The following MIB1 variants were observed in gnomAD, a reference collection of about 807,000 sequenced individuals.
The protein encoded by MIB1 is MIB E3 ubiquitin protein ligase 1.
Under a neutral mutation model 124.5 loss-of-function variants are expected in MIB1, and 278 were observed. The ratio of observed to expected loss-of-function variants is 2.23; its 90% CI spans 2.02 to 2.47. MIB1 has a LOEUF of 2.47. Ranked by LOEUF, MIB1 falls within the 30% of genes most tolerant of loss-of-function variation. MIB1 has a pLI of 0.00. For synonymous variants in MIB1, 446 were observed against 429.4 expected (o/e 1.04, Z -0.48); for missense variants, 957 against 1,254.4 (o/e 0.76, Z 3.58).
intron 18 of MIB1, chr18:21,854,725 C>A: frequency 5.6e-6 from 1 of 179,292 alleles, no homozygotes; most frequent in South Asian, 1.4e-4. Context: ...CATGCTTGGT[C>A]CTGTCGTGGA....
intron 3 of MIB1, among the ~76,000 whole-genome samples, chr18:21,772,602 C>A (rs2074908624): frequency 6.6e-6 from 1 of 152,138 alleles, no homozygotes; most frequent in Non-Finnish European, 1.5e-5. Flanking sequence ...TAAAACATTT[C>A]TTGTCCTAAG....
At chr18:21,849,598 G>A (rs2146511693) in intron 17 of MIB1, among the ~76,000 whole-genome samples, 1 of 152,046 alleles carries the variant, frequency 6.6e-6, no homozygotes, top group South Asian at 2.1e-4. Flanking sequence ...GTACTGATTT[G>A]CTAAGTTAAT....
In MIB1 at chr18:21,730,794, A is replaced by G. The variant is rs2040765870; in HGVS notation, n.167+25671A>G. ...CTAAATTGCTTTTTGTGAAATCCGAATTTGATCATGTCACTCCCTCCTTCA... is the reference window on the plus strand; with the variant it reads ...CTAAATTGCTTTTTGTGAAATCCGAGTTTGATCATGTCACTCCCTCCTTCA... On this transcript the variant is annotated intron_variant and non_coding_transcript_variant, in intron 1 of 20. Coordinates refer to the MIB1 transcript ENST00000578646. Among the ~76,000 whole-genome samples, 3 of 152,314 alleles carry G rather than the reference A, an allele frequency of 2.0e-5. No homozygotes were observed. The South Asian group carries it at 6.2e-4, about 32-fold the overall frequency.
chr18:21,715,162 G>T (rs1390501567), intron 1 of MIB1, among the ~76,000 whole-genome samples: 1 of 152,194 alleles, frequency 6.6e-6, no homozygotes, highest in Non-Finnish European at 1.5e-5. Flanking sequence ...ACAGCTGAGA[G>T]ACCCACAGAT....
In MIB1 at chr18:21,741,721, G is replaced by A. The variant is rs376396687; in HGVS notation, c.138G>A (p.Glu46=). 73 of 1,611,518 alleles carry A rather than the reference G, an allele frequency of 4.5e-5. No homozygotes were observed. Among genetic ancestry groups the A allele is most frequent in the Non-Finnish European group, 5.2e-5 (61 of 1,179,430 alleles). ...VGTVRSFESP[E]EVVVVWDNGT... is the part of the protein sequence containing the mutation. ...CCGTCCGGAGCTTCGAGAGCCCCGAGGAGGTGGTGGTAGTGTGGGACAACG... is the reference window on the plus strand; with the variant it reads ...CCGTCCGGAGCTTCGAGAGCCCCGAAGAGGTGGTGGTAGTGTGGGACAACG... Residue 46 remains glutamate, a synonymous_variant, in exon 1 of 21, where the codon GAG becomes GAA. Coordinates refer to ENST00000261537, the MANE Select transcript of MIB1 (RefSeq NM_020774.4). The surrounding 1 kb of genome is among the most constrained non-coding windows in gnomAD (Gnocchi z 5.4).
At chr18:21,708,191 A>G (rs1269436299) in intron 1 of MIB1, among the ~76,000 whole-genome samples, 1 of 152,222 alleles carries the variant, frequency 6.6e-6, no homozygotes. Context: ...TGGTGTGTAG[A>G]AAATGTACTG....
At chr18:21,709,176 G>A (rs555708366) in intron 1 of MIB1, among the ~76,000 whole-genome samples, 2 of 152,252 alleles carry the variant, frequency 1.3e-5, no homozygotes, top group South Asian at 4.1e-4. Flanking sequence ...AAATTAGCTG[G>A]GTGCAGTGGC....
chr18:21,779,431 T>G, intron 5 of MIB1, 50 bp from the exon 6 acceptor site: 2 of 1,421,360 alleles, frequency 1.4e-6, no homozygotes, highest in Non-Finnish European at 9.9e-7. Flanking sequence ...CAGCTGCCTG[T>G]TGTTGTGAGG....
intron 13 of MIB1, among the ~76,000 whole-genome samples, chr18:21,839,671 A>G (rs1480309872): frequency 6.6e-6 from 1 of 151,764 alleles, no homozygotes. Context: ...GCTTTTATTT[A>G]TTTATTTTTT....
chr18:21,825,887 C>T, intron 12 of MIB1: 1 of 373,884 alleles, frequency 2.7e-6, no homozygotes, highest in Non-Finnish European at 5.5e-6. Flanking sequence ...ACCAATGCTT[C>T]AGTCACTGAA....
At chr18:21,838,708 C>T (rs1014799844) in intron 13 of MIB1, among the ~76,000 whole-genome samples, 1 of 152,004 alleles carries the variant, frequency 6.6e-6, no homozygotes, top group African/African-American at 2.4e-5. Context: ...AGAGTGAGTC[C>T]CTCAATTCCC....
chr18:21,716,511 A>C (rs946453263), intron 1 of MIB1, among the ~76,000 whole-genome samples: 1 of 152,222 alleles, frequency 6.6e-6, no homozygotes, highest in Non-Finnish European at 1.5e-5. Context: ...TGAATGGAAT[A>C]GTACCTCACA....
At chr18:21,815,867 G>A in intron 11 of MIB1, 54 bp downstream of exon 11, 2 of 1,493,238 alleles carry the variant, frequency 1.3e-6, no homozygotes, top group South Asian at 2.3e-5. Context: ...CCTATTAAAG[G>A]GAAACATTAA....
intron 15 of MIB1, 61 bp downstream of exon 15, chr18:21,844,314 T>C (rs910039738): frequency 2.7e-6 from 4 of 1,496,420 alleles, no homozygotes; most frequent in African/African-American, 2.8e-5. Context: ...CAAGATCTTA[T>C]ATTTACTGGT....
rs2041499294 is a variant in MIB1 at position 21,791,223 on chromosome 18, A to G, written c.909-151A>G. ...AACAGAAAACAAACAATGTATCAAT[A>G]TATATGTATTTGTGTATATATAAAT... On this transcript the variant is annotated intron_variant, in intron 6 of 20. Coordinates refer to ENST00000261537, the MANE Select transcript of MIB1 (RefSeq NM_020774.4). 5.5e-6 allele frequency: 3 copies of G among 543,150 alleles called. No homozygotes were observed. The East Asian group carries it at 9.6e-5, about 17-fold the overall frequency. The allele number at this position is 543,150 out of a possible 1,614,324, so 33.6% of individuals were successfully genotyped here.
chr18:21,799,399 C>A (rs1017211277), intron 8 of MIB1, among the ~76,000 whole-genome samples: 1 of 151,968 alleles, frequency 6.6e-6, no homozygotes, highest in Non-Finnish European at 1.5e-5. Flanking sequence ...CCAGATATTA[C>A]AGAGATTGTT....
chr18:21,838,412 A>T lies in MIB1; in HGVS notation c.1877A>T (p.Asp626Val). ...LSKLPRPWIVDEKKDDGYTAL... is the reference protein window; with the variant it reads ...LSKLPRPWIVVEKKDDGYTAL... ...AAATTACCAAGACCATGGATTGTGG[A>T]TGAGAAGAAAGATGATGGTTATACT... Residue 626 changes from aspartate (D) to valine (V), a missense_variant, in exon 13 of 21, where the codon GAT (aspartate) becomes GTT (valine). Coordinates refer to ENST00000261537, the MANE Select transcript of MIB1 (RefSeq NM_020774.4). 1 of 1,609,622 alleles carries T rather than the reference A, an allele frequency of 6.2e-7. No homozygotes were observed. The highest frequency in any genetic ancestry group is 8.5e-7 in the Non-Finnish European group (1 of 1,176,780).
chr18:21,861,837 A>G (rs553768090), intron 20 of MIB1, among the ~76,000 whole-genome samples: 5 of 152,200 alleles, frequency 3.3e-5, no homozygotes, highest in African/African-American at 1.2e-4. Context: ...GAGTTATTCA[A>G]TATTACAAAG....
chr18:21,720,044 A>G (rs1249860730), intron 1 of MIB1, among the ~76,000 whole-genome samples: 1 of 152,224 alleles, frequency 6.6e-6, no homozygotes, highest in South Asian at 2.1e-4. Context: ...GAAGGATAGT[A>G]TGGAACCTGT....
Sources: allele counts gnomAD v4.1 joint callset (sites outside exome capture counted in the v4.1 genomes callset), GRCh38; gene constraint gnomAD v4.1.1; non-coding constraint Gnocchi (gnomAD v3.1); transcripts MANE v1.5; gene names NCBI Gene and HGNC (gene_info 2026-07-23, HGNC 2026-07-21).